The following LRP2 variants were observed in gnomAD, a reference collection of about 807,000 sequenced individuals.
LRP2 encodes LDL receptor related protein 2, also known as low-density lipoprotein receptor-related protein 2.
Under a neutral mutation model 531.0 loss-of-function variants are expected in LRP2, and 172 were observed. The ratio of observed to expected loss-of-function variants is 0.32; its 90% confidence interval spans 0.29 to 0.37. The LOEUF (loss-of-function observed/expected upper bound fraction) is 0.37. LRP2 is among the 10% of genes least tolerant of loss of function. The pLI is 1.00. For synonymous variants in LRP2, 1,992 were observed against 2,027.6 expected, an observed-to-expected ratio of 0.98 and a Z score of 0.47; for missense variants, 5,167 against 5,868.3, an observed-to-expected ratio of 0.88 and a Z score of 3.90.
chr2:169,226,397 A>G (rs1237395795), intron 32 of LRP2, 25 bp downstream of exon 32: 1 of 1,581,208 alleles, frequency 6.3e-7, no homozygotes, highest in Non-Finnish European at 8.7e-7. Flanking sequence ...TAAATTATAT[A>G]CTTTGAATGT....
intron 33 of LRP2, among the ~76,000 whole-genome samples, 182 bp from the exon 34 acceptor site, chr2:169,220,745 T>C (rs1211067643): frequency 6.6e-6 from 1 of 152,124 alleles, no homozygotes; most frequent in Non-Finnish European, 1.5e-5. Flanking sequence ...ATTAGCTCAA[T>C]AGAAAATGAG....
Position 169,170,541 on chromosome 2 carries a change from T to C in LRP2, c.11380+10A>G. ...AAAATTCTATGGTAAGCTTCTCAAA[T>C]GACAGTTACCACAGTCCCGTTCATC... is the stretch of plus-strand genomic sequence containing the variant. On this transcript the variant is annotated intron_variant, in intron 59 of 78. Coordinates refer to ENST00000649046, the MANE Select transcript of LRP2 (RefSeq NM_004525.3). The C allele has an allele frequency of 1.9e-6, 3 of 1,604,056 alleles. No individual in the cohort carries two copies. Among genetic ancestry groups the C allele is most frequent in the Non-Finnish European group, 1.7e-6 (2 of 1,170,720 alleles).
chr2:169,186,422 A>G (rs1040196513), intron 49 of LRP2, among the ~76,000 whole-genome samples: 2 of 152,126 alleles, frequency 1.3e-5, no homozygotes, highest in African/African-American at 4.8e-5. Flanking sequence ...AGATACACAC[A>G]TTTGCCTCTC....
Position 169,201,728 on chromosome 2 carries a change from C to G in LRP2, c.8352G>C (p.Thr2784=), listed in dbSNP as rs200194530. ...ACCTTCTGTTATTGCACATAAACTC[C>G]GTGGTGGCATTGCAGTCCCTGAACA... The part of the protein sequence containing the change: ...GCLFRDCNAT[T]EFMCNNRRCI... Residue 2784 remains threonine, a synonymous_variant, in exon 44 of 79, where the codon ACG becomes ACC. Transcript: ENST00000649046. 49 of 1,614,146 alleles carry G rather than the reference C, an allele frequency of 3.0e-5. No individual in the cohort carries two copies. The African/African-American group carries it at 5.6e-4, about 18-fold the overall frequency.
chr2:169,296,766 A>T (rs1684144729), intron 4 of LRP2, among the ~76,000 whole-genome samples: 1 of 152,132 alleles, frequency 6.6e-6, no homozygotes, highest in Admixed American at 6.6e-5. Flanking sequence ...AGTGCCAGAA[A>T]ATTGAAAGGG....
At chr2:169,194,284 C>G (rs896440789) in intron 46 of LRP2, among the ~76,000 whole-genome samples, 2 of 152,140 alleles carry the variant, frequency 1.3e-5, no homozygotes, top group Non-Finnish European at 2.9e-5. Context: ...TCCCCATGCC[C>G]GCTTCCTTGC....
At position 169,333,384 on chromosome 2, in the gene LRP2, C is replaced by T. The variant is rs921577746; in HGVS notation, c.80-12500G>A. Among the ~76,000 whole-genome samples, 5 of 151,408 alleles carry T rather than the reference C, an allele frequency of 3.3e-5. No individual in the cohort carries two copies. The South Asian group carries it at 6.3e-4, about 19-fold the overall frequency. On this transcript the variant is annotated intron_variant, in intron 1 of 78. Coordinates refer to ENST00000649046, the MANE Select transcript of LRP2 (RefSeq NM_004525.3). ...TAGTACCCAGCCTACCCTCAATAAA[C>T]GAACTATATATGATGTGTTAGAATA...
chr2:169,286,664 G>A (rs1683866238), intron 9 of LRP2, among the ~76,000 whole-genome samples: 1 of 152,186 alleles, frequency 6.6e-6, no homozygotes, highest in African/African-American at 2.4e-5. Context: ...TATGGAAAAT[G>A]TGTTATCTGG....
chr2:169,278,830 A>G (rs1683624125), intron 12 of LRP2, among the ~76,000 whole-genome samples: 1 of 152,172 alleles, frequency 6.6e-6, no homozygotes, highest in Non-Finnish European at 1.5e-5. Context: ...TTAAATTTAA[A>G]CCTGAAGAAA....
chr2:169,211,078 T>A (rs1219919612), intron 37 of LRP2, among the ~76,000 whole-genome samples: 1 of 152,178 alleles, frequency 6.6e-6, no homozygotes, highest in African/African-American at 2.4e-5. Context: ...ATAACTTAGA[T>A]CCATAACTTT....
At chr2:169,272,863 T>C (rs1373292276) in intron 15 of LRP2, 64 bp downstream of exon 15, 1 of 1,604,614 alleles carries the variant, frequency 6.2e-7, no homozygotes, top group Non-Finnish European at 8.5e-7. Context: ...GTTAGTCTAG[T>C]TAGAGGTTTG....
At chr2:169,163,249 G>T (rs1180420932) in intron 62 of LRP2, among the ~76,000 whole-genome samples, 4 of 152,150 alleles carry the variant, frequency 2.6e-5, no homozygotes, top group African/African-American at 9.7e-5. Context: ...TTAGAAGATA[G>T]AATGTTAGTA....
At chr2:169,216,024 T>C (rs1051194907) in intron 35 of LRP2, among the ~76,000 whole-genome samples, 41 of 152,008 alleles carry the variant, frequency 2.7e-4, no homozygotes, top group African/African-American at 9.9e-4. Context: ...GTGGGGAAAT[T>C]AATAAACATT....
intron 35 of LRP2, among the ~76,000 whole-genome samples, chr2:169,214,245 C>A (rs2105344629): frequency 6.6e-6 from 1 of 152,318 alleles, no homozygotes; most frequent in Admixed American, 6.5e-5. Flanking sequence ...TTAACACCTT[C>A]ACTGACAATT....
At position 169,168,551 on chromosome 2, in the gene LRP2, G is replaced by A. The variant is rs372310969; in HGVS notation, c.11623C>T (p.Leu3875Phe). 5 of 1,614,136 alleles carry A rather than the reference G, an allele frequency of 3.1e-6. No individual in the cohort carries two copies. Among genetic ancestry groups the A allele is most frequent in the Non-Finnish European group, 4.2e-6 (5 of 1,179,982 alleles). Residue 3875 changes from leucine to phenylalanine, a missense_variant, in exon 61 of 79, where the codon CTT (leucine) becomes TTT (phenylalanine). Leu to Phe is a conservative substitution (Grantham distance 22, BLOSUM62 0). Transcript: ENST00000649046. ...CTCTCCCTCTTACAGCACAGGTGAA[G>A]TTCTTCATCTGAACCATCGCCACAG... ...DDCGDGSDEE[L>F]HLCLDVPCNS...
chr2:169,242,733 G>A (rs1394898454), intron 24 of LRP2, among the ~76,000 whole-genome samples: 1 of 152,166 alleles, frequency 6.6e-6, no homozygotes, highest in Non-Finnish European at 1.5e-5. Flanking sequence ...GCCCATCTAA[G>A]AGACTATTTG....
chr2:169,348,794 G>C (rs1685763808), intron 1 of LRP2, among the ~76,000 whole-genome samples: 1 of 152,190 alleles, frequency 6.6e-6, no homozygotes, highest in South Asian at 2.1e-4. Context: ...GGAATCACCA[G>C]CAGGGCGGGA....
chr2:169,342,817 A>G (rs1336764509), intron 1 of LRP2, among the ~76,000 whole-genome samples: 2 of 152,246 alleles, frequency 1.3e-5, no homozygotes, highest in African/African-American at 2.4e-5. Context: ...TGTGAAAGAA[A>G]TACATCAGTG....
chr2:169,240,728 C>A, intron 25 of LRP2: 1 of 578,454 alleles, frequency 1.7e-6, no homozygotes, highest in Admixed American at 3.0e-5. Flanking sequence ...ATCTAATGGC[C>A]TCAATTTAGT....
Sources: allele counts gnomAD v4.1 joint callset (sites outside exome capture counted in the v4.1 genomes callset), GRCh38; gene constraint gnomAD v4.1.1; transcripts MANE v1.5; gene names NCBI Gene and HGNC (gene_info 2026-07-23, HGNC 2026-07-21).